ADK: variants seen among roughly 807,000 people sequenced by gnomAD.
ADK encodes N6,N6-dimethyladenosine kinase.
A neutral mutation model predicts 44.7 loss-of-function variants in ADK; 24 were observed. That is an observed-to-expected ratio of 0.54 (90% confidence interval 0.39 to 0.76). The LOEUF (loss-of-function observed/expected upper bound fraction) is 0.76, where lower values mean the gene tolerates loss of function less well. ADK is among the 30% of genes least tolerant of loss of function. The pLI, the probability that ADK is intolerant of heterozygous loss-of-function variation, is 0.00. For missense variants in ADK, 321 were observed against 425.1 expected (o/e 0.76, Z 2.15); for synonymous variants, 128 against 142.6 (o/e 0.90, Z 0.73).
At chr10:74,649,329 T>C (rs1388557734) in intron 9 of ADK, among the ~76,000 whole-genome samples, 1 of 152,150 alleles carries the variant, frequency 6.6e-6, no homozygotes, top group Non-Finnish European at 1.5e-5. Flanking sequence ...TAGAAGTCTT[T>C]TAAATTCTAC....
intron 6 of ADK, among the ~76,000 whole-genome samples, chr10:74,491,192 G>T (rs1288961738): frequency 1.3e-5 from 2 of 152,040 alleles, no homozygotes; most frequent in African/African-American, 4.8e-5. Flanking sequence ...TGTCTTATAG[G>T]TGGAAGATAC....
At chr10:74,546,489 C>T (rs1275585935) in intron 7 of ADK, among the ~76,000 whole-genome samples, 1 of 152,006 alleles carries the variant, frequency 6.6e-6, no homozygotes, top group African/African-American at 2.4e-5. Context: ...GAGAAAAATA[C>T]TCCACGATGT....
At chr10:74,702,529 T>TTCCTTCCTTCCTTCCTTCCTTCCC (rs1271065750) in intron 10 of ADK, among the ~76,000 whole-genome samples, 1 of 135,802 alleles carries the variant, frequency 7.4e-6, no homozygotes, top group East Asian at 2.1e-4. Context: ...CCTTCTTTCC[T>TTCCTTCCTTCCTTCCTTCCTTCCC]TCCTTCCTTC....
intron 1 of ADK, chr10:74,174,302 A>G (rs2132061689): frequency 7.5e-6 from 1 of 133,894 alleles, no homozygotes; most frequent in East Asian, 2.3e-4. Flanking sequence ...TGATAGACTG[A>G]GACTCCATCT....
At chr10:74,645,869 G>A (rs1234727970) in intron 9 of ADK, among the ~76,000 whole-genome samples, 2 of 151,976 alleles carry the variant, frequency 1.3e-5, no homozygotes, top group Non-Finnish European at 2.9e-5. Context: ...GCATTTTTTC[G>A]ATATTATCAT....
At chr10:74,691,956 T>C (rs540910984) in intron 10 of ADK, among the ~76,000 whole-genome samples, 6 of 152,266 alleles carry the variant, frequency 3.9e-5, no homozygotes, top group African/African-American at 1.4e-4. Flanking sequence ...TGGAAGACAA[T>C]TTGGCAATCT....
intron 6 of ADK, among the ~76,000 whole-genome samples, chr10:74,406,890 C>T (rs1012791305): frequency 5.9e-5 from 9 of 151,422 alleles, no homozygotes; most frequent in Non-Finnish European, 7.4e-5. Flanking sequence ...CATATTGTTT[C>T]GGCTGGTCCT....
intron 3 of ADK, among the ~76,000 whole-genome samples, chr10:74,232,392 C>G (rs1158173571): frequency 1.3e-5 from 2 of 151,792 alleles, no homozygotes; most frequent in Non-Finnish European, 2.9e-5. Flanking sequence ...CATGGTGGCA[C>G]TCACCTGCAG....
intron 9 of ADK, among the ~76,000 whole-genome samples, chr10:74,613,785 G>A (rs932191103): frequency 3.3e-5 from 5 of 152,108 alleles, no homozygotes; most frequent in African/African-American, 9.7e-5. Flanking sequence ...AGCATTGGAA[G>A]AATAATGTCA....
chr10:74,467,535 C>A (rs569848668), intron 6 of ADK, among the ~76,000 whole-genome samples: 45 of 152,142 alleles, frequency 3.0e-4, no homozygotes, highest in African/African-American at 1.1e-3. Flanking sequence ...TTAATACATT[C>A]ATTTCTGCAT....
chr10:74,600,566 T>C, intron 9 of ADK, 73 bp downstream of exon 9: 1 of 832,576 alleles, frequency 1.2e-6, no homozygotes, highest in South Asian at 1.5e-5. Flanking sequence ...TTCTGTATTC[T>C]TTCTATTATA....
At chr10:74,532,233 C>G (rs1032458191) in intron 7 of ADK, among the ~76,000 whole-genome samples, 12 of 152,168 alleles carry the variant, frequency 7.9e-5, no homozygotes, top group African/African-American at 2.9e-4. Context: ...CATGGTGGCT[C>G]ATGCCTGCAA....
At chr10:74,368,901 T>TA (rs1465923996) in intron 4 of ADK, among the ~76,000 whole-genome samples, 5 of 152,182 alleles carry the variant, frequency 3.3e-5, no homozygotes, top group African/African-American at 4.8e-5. Flanking sequence ...GTGCTAGGAT[T>TA]AACAGACACG....
rs113458109 is a variant in ADK, at chr10:74,291,646, AT to A, written c.195-23013del. On this transcript the variant is annotated intron_variant, in intron 3 of 10. Coordinates refer to ENST00000539909, the MANE Select transcript of ADK (RefSeq NM_006721.4). ...GAATATTGTGATTATTGAAGTATTG[AT>A]TTTTTTTCAAATATTTTTATATTAC... Among the ~76,000 whole-genome samples, 764 of 151,338 alleles carry A rather than the reference AT, an allele frequency of 5.0e-3. 9 individuals carry two copies. The highest frequency in any genetic ancestry group is 0.017 in the African/African-American group (706 of 41,196).
chr10:74,465,426 T>C (rs1846316966), intron 6 of ADK, among the ~76,000 whole-genome samples: 1 of 152,212 alleles, frequency 6.6e-6, no homozygotes, highest in Non-Finnish European at 1.5e-5. Flanking sequence ...GTTTTTGTTT[T>C]GTTTTGACTC....
chr10:74,661,938 GA>G (rs1854748830), intron 9 of ADK, among the ~76,000 whole-genome samples: 1 of 152,114 alleles, frequency 6.6e-6, no homozygotes, highest in Non-Finnish European at 1.5e-5. Context: ...TCCCCCAGAG[GA>G]TCTAACAGAG....
chr10:74,381,334 A>G (rs1842971389), intron 4 of ADK, among the ~76,000 whole-genome samples: 1 of 152,172 alleles, frequency 6.6e-6, no homozygotes, highest in Non-Finnish European at 1.5e-5. Context: ...AAAATGGTAA[A>G]TAGTTTCATG....
chr10:74,540,126 C>G (rs573299090), intron 7 of ADK, among the ~76,000 whole-genome samples: 4 of 151,850 alleles, frequency 2.6e-5, no homozygotes, highest in African/African-American at 7.3e-5. Flanking sequence ...AAAAAGCCAT[C>G]TAATTATTAT....
intron 3 of ADK, among the ~76,000 whole-genome samples, chr10:74,273,552 A>G (rs997979030): frequency 2.0e-5 from 3 of 151,710 alleles, no homozygotes; most frequent in Admixed American, 2.0e-4. Context: ...CTGCCTCCCA[A>G]GTTCAAGCAA....
Sources: allele counts gnomAD v4.1 joint callset (sites outside exome capture counted in the v4.1 genomes callset), GRCh38; gene constraint gnomAD v4.1.1; transcripts MANE v1.5; gene names NCBI Gene and HGNC (gene_info 2026-07-23, HGNC 2026-07-21).